HECTD4: variants seen among roughly 807,000 people sequenced by gnomAD.
HECTD4 encodes the protein HECT domain E3 ubiquitin protein ligase 4.
Under a neutral mutation model 471.5 loss-of-function variants are expected in HECTD4, and 114 were observed. That is an observed-to-expected ratio of 0.24 (90% confidence interval 0.21 to 0.28). HECTD4 has a LOEUF of 0.28. HECTD4 is among the 10% of genes least tolerant of loss of function. The pLI, the probability that HECTD4 is intolerant of heterozygous loss-of-function variation, is 1.00. For synonymous variants in HECTD4, 2,012 were observed against 2,256.0 expected, an observed-to-expected ratio of 0.89 and a Z score of 3.07; for missense variants, 3,866 against 5,651.5, an observed-to-expected ratio of 0.68 and a Z score of 10.13.
intron 4 of HECTD4, among the ~76,000 whole-genome samples, chr12:112,310,756 A>T (rs983895834): frequency 6.6e-6 from 1 of 152,228 alleles, no homozygotes; most frequent in African/African-American, 2.4e-5. Context: ...TAAACATTTT[A>T]ATTTAAAACT....
chr12:112,171,284 A>T lies in HECTD4; in HGVS notation c.11786-21T>A, dbSNP rs1436805168. ...CACGTCTGAGGGCGCAGGAGCAGTC[A>T]GGCTGAGATCTCGGCCAGGTGGCTG... is the stretch of plus-strand genomic sequence containing the variant. On this transcript the variant is annotated intron_variant, in intron 67 of 75. Transcript: ENST00000682272. The T allele has an allele frequency of 2.5e-6, 4 of 1,587,764 alleles. No individual in the cohort carries two copies. In the African/African-American group the frequency reaches 5.4e-5, roughly 21 times the overall value.
At chr12:112,270,085 T>G in intron 12 of HECTD4, 142 bp downstream of exon 12, 1 of 752,388 alleles carries the variant, frequency 1.3e-6, no homozygotes, top group South Asian at 1.8e-5. Context: ...ATATGATAAT[T>G]CTAACTCCAG....
At chr12:112,308,579 T>C (rs143397916) in intron 6 of HECTD4, among the ~76,000 whole-genome samples, 174 bp downstream of exon 6, 3 of 152,068 alleles carry the variant, frequency 2.0e-5, no homozygotes, top group Non-Finnish European at 2.9e-5. Context: ...TCAGTTCATA[T>C]GGGAAAAGTC....
In HECTD4 at chr12:112,220,338, T is replaced by C. The variant is rs914541391; in HGVS notation, c.6971-849A>G. Among the ~76,000 whole-genome samples, 7 of 151,778 alleles carry C rather than the reference T, an allele frequency of 4.6e-5. 1 individual carries two copies. The highest frequency in any genetic ancestry group is 1.7e-4 in the African/African-American group (7 of 41,314). On this transcript the variant is annotated intron_variant, in intron 44 of 75. Transcript: ENST00000682272. ...CCCCTACTATGGAGGGAAAATAAGA[T>C]GCGCACACACGCAGACCACACACAG...
intron 17 of HECTD4, chr12:112,261,859 A>G (rs1332118365): frequency 6.5e-6 from 1 of 154,044 alleles, no homozygotes; most frequent in African/African-American, 2.4e-5. Context: ...AGGCGCATGT[A>G]GAGGCGGTGA....
Position 112,256,465 on chromosome 12 carries a change from G to T in HECTD4, c.3182C>A (p.Ala1061Asp). ...CACAGTCTTTCCAGCAGCCCATGGG[G>T]CAGGAATCTTTAAACCAGTGAGAAA... ...PGFLTGLKIP[A>D]PWAAGKTVET... The change falls in exon 21 of 76, where the codon GCC (alanine) becomes GAC (aspartate). Residue 1061 changes from alanine (A) to aspartate (D), a missense_variant. Around this residue, in one of 16 missense-constraint regions of HECTD4, gnomAD observed 525 missense variants for 672.6 expected, o/e 0.78. Coordinates refer to ENST00000682272, the MANE Select transcript of HECTD4 (RefSeq NM_001388303.1). 6.2e-7 allele frequency: 1 copy of T among 1,608,706 alleles called. No homozygotes were observed. Among genetic ancestry groups the T allele is most frequent in the East Asian group, 2.2e-5 (1 of 44,642 alleles).
chr12:112,210,450 T>C (rs996155427), intron 49 of HECTD4, among the ~76,000 whole-genome samples, 198 bp from the exon 50 acceptor site: 1 of 152,144 alleles, frequency 6.6e-6, no homozygotes, highest in Non-Finnish European at 1.5e-5. Context: ...TGCCTCCCTG[T>C]CCCTCACCTC....
chr12:112,219,576 T>G, intron 44 of HECTD4, 87 bp from the exon 45 acceptor site: 1 of 864,424 alleles, frequency 1.2e-6, no homozygotes, highest in Non-Finnish European at 1.8e-6. Context: ...ATCAAAACAA[T>G]AAAATGCACT....
At chr12:112,247,653 T>A (rs1312023843) in intron 27 of HECTD4, 103 bp from the exon 28 acceptor site, 3 of 476,690 alleles carry the variant, frequency 6.3e-6, no homozygotes, top group Non-Finnish European at 1.1e-5. Context: ...CCACCTTTGG[T>A]CCACATTTCT....
chr12:112,356,507 T>C (rs1318184266), intron 1 of HECTD4, among the ~76,000 whole-genome samples: 2 of 152,146 alleles, frequency 1.3e-5, no homozygotes, highest in Admixed American at 6.6e-5. Context: ...GGCATGATCT[T>C]GGCTCACTGC....
At position 112,193,544 on chromosome 12, in the gene HECTD4, C is replaced by T. The variant is rs745523343; in HGVS notation, c.8880G>A (p.Val2960=). 4.3e-6 allele frequency: 7 copies of T among 1,612,718 alleles called. No homozygotes were observed. The highest frequency in any genetic ancestry group is 1.1e-5 in the South Asian group (1 of 90,682). ...NSQTVREWLN[V]AITRTLHQGE... ...CCTGGTGCAGGGTCCGGGTGATGGC[C>T]ACGTTGAGCCACTCTCTCACTGTCT... Residue 2960 remains valine (V), a synonymous_variant, in exon 57 of 76, where the codon GTG becomes GTA. Transcript: ENST00000682272. This position sits in a 1 kb window ranked among gnomAD's most constrained non-coding sequence, Gnocchi z 5.2.
At chr12:112,282,874 G>C (rs1344913217) in intron 8 of HECTD4, among the ~76,000 whole-genome samples, 1 of 152,172 alleles carries the variant, frequency 6.6e-6, no homozygotes. Context: ...ATGATGATAA[G>C]GTGTTTACAG....
At chr12:112,267,731 C>T (rs1282913383) in intron 13 of HECTD4, among the ~76,000 whole-genome samples, 1 of 152,198 alleles carries the variant, frequency 6.6e-6, no homozygotes, top group East Asian at 1.9e-4. Flanking sequence ...CTCAGCTTTT[C>T]CGAAGAGAAG....
intron 11 of HECTD4, among the ~76,000 whole-genome samples, chr12:112,273,297 G>C (rs780686119): frequency 6.6e-6 from 1 of 152,102 alleles, no homozygotes; most frequent in Non-Finnish European, 1.5e-5. Flanking sequence ...ATCTAAGTTT[G>C]TGTATAATTA....
chr12:112,254,005 T>G, intron 22 of HECTD4, 38 bp downstream of exon 22: 1 of 1,610,620 alleles, frequency 6.2e-7, no homozygotes, highest in Non-Finnish European at 8.5e-7. Context: ...GCAAGTTCAT[T>G]TTCTTTTCTA....
At chr12:112,290,895 G>A (rs181533765) in intron 7 of HECTD4, among the ~76,000 whole-genome samples, 322 of 150,574 alleles carry the variant, frequency 2.1e-3, no homozygotes, top group Non-Finnish European at 2.7e-3. Context: ...GATAGTTTTG[G>A]ATGCTGCATG....
intron 1 of HECTD4, among the ~76,000 whole-genome samples, chr12:112,356,344 A>C (rs2036337707): frequency 1.3e-5 from 2 of 152,216 alleles, no homozygotes; most frequent in South Asian, 4.1e-4. Flanking sequence ...TCTAAAAACT[A>C]ATGACAAAAG....
intron 70 of HECTD4, among the ~76,000 whole-genome samples, chr12:112,168,258 A>C (rs1363772103): frequency 1.3e-5 from 2 of 152,224 alleles, no homozygotes; most frequent in African/African-American, 4.8e-5. Context: ...TCACAGCTGC[A>C]AGCCTGCCTG....
chr12:112,289,294 G>C (rs2034825904), intron 7 of HECTD4, among the ~76,000 whole-genome samples: 1 of 151,966 alleles, frequency 6.6e-6, no homozygotes, highest in Admixed American at 6.6e-5. Context: ...GTAGAAATGG[G>C]GTCTCACTAT....
Sources: gnomAD v4.1 joint callset for allele counts (sites outside exome capture counted in the v4.1 genomes callset) on GRCh38, gnomAD v4.1.1 for gene constraint, gnomAD v4.1.1 regional missense constraint, Gnocchi (gnomAD v3.1) non-coding constraint, MANE v1.5 for transcripts, NCBI Gene and HGNC (gene_info 2026-07-23, HGNC 2026-07-21) for gene names.